Variants in NCOA5 observed in about 807,000 individuals in gnomAD.
The protein encoded by NCOA5 is nuclear receptor coactivator 5.
A neutral mutation model predicts 59.0 loss-of-function variants in NCOA5; 12 were observed. The observed-to-expected ratio is 0.20, with a 90% CI of 0.13 to 0.33. The LOEUF is 0.33. NCOA5 is among the 10% of genes least tolerant of loss of function. The probability of loss-of-function intolerance (pLI) is 1.00; values close to 1 mark genes in which losing one functional copy is unlikely to be tolerated. For missense variants in NCOA5, 655 were observed against 766.6 expected, an observed-to-expected ratio of 0.85 and a Z score of 1.72; for synonymous variants, 270 against 275.5, an observed-to-expected ratio of 0.98 and a Z score of 0.20.
At chr20:46,084,350 T>C (rs1251407022) in intron 1 of NCOA5, among the ~76,000 whole-genome samples, 2 of 152,220 alleles carry the variant, frequency 1.3e-5, no homozygotes, top group African/African-American at 2.4e-5. Context: ...GCTTTCCATT[T>C]AGAATATTCT....
intron 5 of NCOA5, among the ~76,000 whole-genome samples, chr20:46,066,461 A>G (rs1266296127): frequency 4.6e-5 from 7 of 151,990 alleles, no homozygotes; most frequent in African/African-American, 1.7e-4. Context: ...CAGCGGCTAC[A>G]CCCTCTTCCA....
rs1600612815 is a variant in NCOA5 at position 46,061,717 on chromosome 20, T to C, written c.*583A>G. 1 of 152,504 alleles carries C rather than the reference T, an allele frequency of 6.6e-6. No individual in the cohort carries two copies. Among genetic ancestry groups the C allele is most frequent in the Non-Finnish European group, 1.5e-5 (1 of 68,042 alleles). The allele number at this position is 152,504 out of a possible 1,614,324, so 9.4% of individuals were successfully genotyped here. On this transcript the variant is annotated 3_prime_UTR_variant, in exon 8 of 8. Coordinates refer to ENST00000290231, the MANE Select transcript of NCOA5 (RefSeq NM_020967.3). ...TGGCTCAGAGAGAAAAATTCTTTTT[T>C]CTGTGGCTGCCATGGCCATTCCTCA...
intron 2 of NCOA5, among the ~76,000 whole-genome samples, chr20:46,071,944 G>A (rs887956575): frequency 2.9e-4 from 44 of 152,030 alleles, no homozygotes; most frequent in African/African-American, 1.1e-3. Flanking sequence ...TACCTTCTCC[G>A]TAAAACCTGC....
chr20:46,075,295 A>C (rs1469575964), intron 2 of NCOA5, among the ~76,000 whole-genome samples: 2 of 152,234 alleles, frequency 1.3e-5, no homozygotes, highest in Non-Finnish European at 2.9e-5. Flanking sequence ...AGCTGCTGAG[A>C]ACTGATGACT....
chr20:46,065,713 G>A (rs1036626862), intron 5 of NCOA5, among the ~76,000 whole-genome samples: 5 of 152,090 alleles, frequency 3.3e-5, no homozygotes, highest in Admixed American at 6.5e-5. Flanking sequence ...CAGTTCATAC[G>A]TCATTTTTTT....
At chr20:46,068,937 CAAT>C (rs2084852711) in intron 3 of NCOA5, among the ~76,000 whole-genome samples, 1 of 152,116 alleles carries the variant, frequency 6.6e-6, no homozygotes, top group East Asian at 1.9e-4. Context: ...ACGCATATAA[CAAT>C]AATTTGCCAT....
intron 2 of NCOA5, among the ~76,000 whole-genome samples, chr20:46,072,723 C>T (rs972362454): frequency 6.6e-6 from 1 of 152,220 alleles, no homozygotes; most frequent in Non-Finnish European, 1.5e-5. Flanking sequence ...ATATAAATAT[C>T]CCCTACTCCC....
In NCOA5 at chr20:46,061,831, G is replaced by T; in HGVS notation, c.*469C>A. On this transcript the variant is annotated 3_prime_UTR_variant, in exon 8 of 8. Transcript: ENST00000290231. ...GATGACACTGTGCCTGCCAAGGCCA[G>T]TTTGCTTTTCTTCAACTCTAGGCAG... is the stretch of plus-strand genomic sequence containing the variant. The T allele has an allele frequency of 6.4e-6, 1 of 155,502 alleles. No homozygotes were observed. The highest frequency in any genetic ancestry group is 1.9e-4 in the East Asian group (1 of 5,258). The allele number at this position is 155,502 out of a possible 1,614,324, so 9.6% of individuals were successfully genotyped here. A position where few individuals can be genotyped will look rare whatever the true frequency, so the allele number is the denominator to read the frequency against.
chr20:46,063,331 C>G, intron 7 of NCOA5, 29 bp downstream of exon 7: 4 of 1,601,900 alleles, frequency 2.5e-6, no homozygotes, highest in Non-Finnish European at 3.4e-6. Context: ...AGAGTCAGAA[C>G]TTCACCTCGG....
At chr20:46,071,028 C>G (rs780144972) in intron 2 of NCOA5, among the ~76,000 whole-genome samples, 4 of 151,836 alleles carry the variant, frequency 2.6e-5, no homozygotes, top group Non-Finnish European at 5.9e-5. Flanking sequence ...AAGATACATA[C>G]AGTAAAGGAC....
At chr20:46,079,563 G>A in intron 1 of NCOA5, 110 bp from the exon 2 acceptor site, 1 of 908,228 alleles carries the variant, frequency 1.1e-6, no homozygotes, top group Non-Finnish European at 1.7e-6. Context: ...CAACCAGATG[G>A]TGTAAGAAAA....
chr20:46,079,451 T>C lies in NCOA5; in HGVS notation c.-27A>G. 3 of 1,612,282 alleles carry C rather than the reference T, an allele frequency of 1.9e-6. No individual in the cohort carries two copies. Among genetic ancestry groups the C allele is most frequent in the Non-Finnish European group, 2.5e-6 (3 of 1,178,474 alleles). ...TTTCTTCTTTCCGCTGCCTTATTAATATCTGAAAAGAATAATCAACCCATC... is the reference window on the plus strand; with the variant it reads ...TTTCTTCTTTCCGCTGCCTTATTAACATCTGAAAAGAATAATCAACCCATC... On this transcript the variant is annotated splice_region_variant and 5_prime_UTR_variant, in exon 2 of 8. The change creates a new upstream start codon in the 5' untranslated region. Transcript: ENST00000290231.
chr20:46,069,596 C>T (rs1034791982), intron 3 of NCOA5, among the ~76,000 whole-genome samples: 5 of 152,076 alleles, frequency 3.3e-5, no homozygotes, highest in African/African-American at 1.2e-4. Flanking sequence ...CCAGGTGTGG[C>T]GGCATATGCC....
chr20:46,068,581 A>T lies in NCOA5; in HGVS notation c.423T>A (p.Asp141Glu). 2 of 1,613,722 alleles carry T rather than the reference A, an allele frequency of 1.2e-6. No individual in the cohort carries two copies. The highest frequency in any genetic ancestry group is 1.7e-6 in the Non-Finnish European group (2 of 1,179,818). ...CTCTGTAACGGTCAAAATAAGAGTC[A>T]TCCTTTCTCCTGCAATAGTCATCCA... ...LRMDDYCRRK[D>E]DSYFDRYRDS... The change falls in exon 4 of 8, where the codon GAT becomes GAA. Residue 141 changes from aspartate to glutamate, a missense_variant. Physicochemically the swap from Asp to Glu is conservative, Grantham distance 45 (BLOSUM62 2). This residue lies in a region of NCOA5 where 250 missense variants were observed against 260.1 expected (regional missense o/e 0.96). Coordinates refer to ENST00000290231, the MANE Select transcript of NCOA5 (RefSeq NM_020967.3).
At chr20:46,086,763 G>A (rs1308453149) in intron 1 of NCOA5, among the ~76,000 whole-genome samples, 1 of 152,210 alleles carries the variant, frequency 6.6e-6, no homozygotes, top group Non-Finnish European at 1.5e-5. Flanking sequence ...AAGGTACAGA[G>A]AGGAAATACA....
Position 46,062,280 on chromosome 20 carries a change from GAGAGTTGAA to G in NCOA5, c.*11_*19del. 6.3e-7 allele frequency: 1 copy of G among 1,592,304 alleles called. No individual in the cohort carries two copies. The highest frequency in any genetic ancestry group is 8.6e-7 in the Non-Finnish European group (1 of 1,163,938). ...GAGGCCAGGGGATGAGGGGACTGGG[GAGAGTTGAA>G]AGATTTAGCTTCAGTAATGCCTCTG... On this transcript the variant is annotated 3_prime_UTR_variant, in exon 8 of 8. Transcript: ENST00000290231.
chr20:46,075,809 G>C (rs745837281), intron 2 of NCOA5, among the ~76,000 whole-genome samples: 1 of 152,200 alleles, frequency 6.6e-6, no homozygotes, highest in Non-Finnish European at 1.5e-5. Flanking sequence ...AACTATGCAA[G>C]GTACTCACAG....
In NCOA5 at chr20:46,063,530, C is replaced by T. The variant is rs1939279443; in HGVS notation, c.980G>A (p.Arg327Lys). The change falls in exon 7 of 8, where the codon AGA (arginine) becomes AAA (lysine). Residue 327 changes from arginine to lysine, a missense_variant. By Grantham distance (26) the Arg-to-Lys change is conservative (BLOSUM62 2). Transcript: ENST00000290231. The part of the protein sequence containing the change: ...ADEAILQERE[R>K]GGPEEGVRGG... ...ACGCACTCCCTCCTCAGGGCCTCCT[C>T]TCTCTCTTTCCTGCAGGATGGCTTC... 4 of 1,614,078 alleles carry T rather than the reference C, an allele frequency of 2.5e-6. No individual in the cohort carries two copies. Among genetic ancestry groups the T allele is most frequent in the African/African-American group, 2.7e-5 (2 of 74,922 alleles).
intron 1 of NCOA5, among the ~76,000 whole-genome samples, chr20:46,086,221 G>C (rs1366302486): frequency 6.6e-6 from 1 of 152,196 alleles, no homozygotes; most frequent in African/African-American, 2.4e-5. Context: ...AAGACACTCT[G>C]TTTTCTAATG....
Sources: allele counts gnomAD v4.1 joint callset (sites outside exome capture counted in the v4.1 genomes callset), GRCh38; gene constraint gnomAD v4.1.1; regional missense constraint gnomAD v4.1.1; transcripts MANE v1.5; gene names NCBI Gene and HGNC (gene_info 2026-07-23, HGNC 2026-07-21).